The following RIBC2 variants were observed in gnomAD, a reference collection of about 807,000 sequenced individuals.
RIBC2 encodes the protein RIB43A domain with coiled-coils 2, also known as RIB43A-like with coiled-coils protein 2.
RIBC2 carries 40 observed loss-of-function variants against 44.3 expected under a neutral mutation model. The observed-to-expected ratio is 0.90, with a 90% CI of 0.70 to 1.18. RIBC2 has a LOEUF of 1.18. RIBC2 is among the 50% of genes most tolerant of loss of function. RIBC2 has a pLI of 0.00. For missense variants in RIBC2, 459 were observed against 485.5 expected (o/e 0.95, Z 0.51); for synonymous variants, 171 against 175.0 (o/e 0.98, Z 0.18).
At chr22:45,428,487 C>G (rs2087552278) in intron 5 of RIBC2, among the ~76,000 whole-genome samples, 1 of 152,098 alleles carries the variant, frequency 6.6e-6, no homozygotes, top group Admixed American at 6.6e-5. Context: ...TGTCCCTGGG[C>G]TGCAGGAGAG....
chr22:45,430,952 T>C lies in RIBC2; in HGVS notation c.956T>C (p.Ile319Thr). The change falls in exon 6 of 7, where the codon ATT (isoleucine) becomes ACT (threonine). Residue 319 changes from isoleucine to threonine, a missense_variant. Physicochemically the swap from Ile to Thr is moderately conservative, Grantham distance 89 (BLOSUM62 -1). Coordinates refer to ENST00000614167, the MANE Select transcript of RIBC2 (RefSeq NM_015653.5). ...QRDLDWDRRRIQGARATLLFE... is the reference protein window; with the variant it reads ...QRDLDWDRRRTQGARATLLFE... ...GACCTGGACTGGGACCGGCGGAGGATTCAGGGGGCTCGCGCCACCCTGCTG... is the reference window on the plus strand; with the variant it reads ...GACCTGGACTGGGACCGGCGGAGGACTCAGGGGGCTCGCGCCACCCTGCTG... The C allele has an allele frequency of 2.5e-6, 4 of 1,610,410 alleles. No individual in the cohort carries two copies. Among genetic ancestry groups the C allele is most frequent in the Non-Finnish European group, 3.4e-6 (4 of 1,178,428 alleles).
At chr22:45,418,950 A>G (rs1448135775) in intron 3 of RIBC2, among the ~76,000 whole-genome samples, 1 of 152,142 alleles carries the variant, frequency 6.6e-6, no homozygotes, top group African/African-American at 2.4e-5. Flanking sequence ...ATCTGGACCT[A>G]ACAGTCGATC....
At chr22:45,430,768 G>A in intron 5 of RIBC2, 132 bp from the exon 6 acceptor site, 2 of 1,169,088 alleles carry the variant, frequency 1.7e-6, no homozygotes, top group Middle Eastern at 3.0e-4. Context: ...CATGACATCG[G>A]TCACCTACCT....
intron 3 of RIBC2, 90 bp downstream of exon 3, chr22:45,418,036 T>G (rs2087443615): frequency 1.1e-5 from 5 of 467,340 alleles, no homozygotes; most frequent in Non-Finnish European, 9.8e-6. Context: ...AACCCTACAG[T>G]TTTTTTTTTT....
Position 45,414,422 on chromosome 22 carries a change from C to A in RIBC2, c.211+19C>A. ...ACCTTTGGTGAGCATTTCCTGAATG[C>A]TTATCTATTGGTTTAGGATTGTGTG... On this transcript the variant is annotated intron_variant, in intron 2 of 6. Transcript: ENST00000614167. 1 of 1,515,716 alleles carries A rather than the reference C, an allele frequency of 6.6e-7. No homozygotes were observed. The highest frequency in any genetic ancestry group is 9.0e-7 in the Non-Finnish European group (1 of 1,116,166). 93.9% of individuals were successfully genotyped at this position (1,515,716 alleles called of 1,614,324 possible).
At position 45,413,901 on chromosome 22, in the gene RIBC2, C is replaced by T; in HGVS notation, c.15C>T (p.Thr5=). The part of the protein sequence containing the change: MGSQ[T]MAVALPRDLR... ...TTAGGCTTTCCATGGGTTCCCAGAC[C>T]ATGGCGGTGGCGCTGCCCAGGGACT... Residue 5 remains threonine, a synonymous_variant, in exon 1 of 7, where the codon ACC becomes ACT. Coordinates refer to ENST00000614167, the MANE Select transcript of RIBC2 (RefSeq NM_015653.5). The T allele has an allele frequency of 1.3e-6, 2 of 1,551,398 alleles. No individual in the cohort carries two copies. Among genetic ancestry groups the T allele is most frequent in the Non-Finnish European group, 1.7e-6 (2 of 1,146,788 alleles).
At chr22:45,425,797 A>T in intron 4 of RIBC2, 151 bp from the exon 5 acceptor site, 1 of 677,028 alleles carries the variant, frequency 1.5e-6, no homozygotes, top group South Asian at 1.8e-5. Flanking sequence ...ACCCACCCAC[A>T]TCCGTGCCTG....
At chr22:45,428,347 G>C (rs1383233689) in intron 5 of RIBC2, among the ~76,000 whole-genome samples, 1 of 152,240 alleles carries the variant, frequency 6.6e-6, no homozygotes, top group Non-Finnish European at 1.5e-5. Flanking sequence ...GTAGGAGCTG[G>C]TGGGGGCCAT....
intron 2 of RIBC2, among the ~76,000 whole-genome samples, chr22:45,415,795 G>C (rs1025100729): frequency 6.6e-6 from 1 of 152,168 alleles, no homozygotes; most frequent in Non-Finnish European, 1.5e-5. Flanking sequence ...CGCCTCCTGG[G>C]TTCAAGCAAT....
intron 2 of RIBC2, among the ~76,000 whole-genome samples, chr22:45,416,264 ATT>A (rs889174518): frequency 6.8e-6 from 1 of 146,846 alleles, no homozygotes; most frequent in African/African-American, 2.5e-5. Context: ...GCTGGTTTAG[ATT>A]TTTTTTTTTC....
At position 45,432,392 on chromosome 22, in the gene RIBC2, A is replaced by C. The variant is rs1470213055; in HGVS notation, c.*30A>C. The stretch of plus-strand genomic sequence containing the variant: ...GAACACACCCTTGTTCCCGTCATTC[A>C]CGTATAAAGAGTGGCTACCTTAAAG... On this transcript the variant is annotated 3_prime_UTR_variant, in exon 7 of 7. Transcript: ENST00000614167. The C allele has an allele frequency of 7.0e-7, 1 of 1,435,552 alleles. No homozygotes were observed. Among genetic ancestry groups the C allele is most frequent in the Non-Finnish European group, 9.7e-7 (1 of 1,031,516 alleles). The allele number at this position is 1,435,552 out of a possible 1,614,324, so 88.9% of individuals were successfully genotyped here. A position where few individuals can be genotyped will look rare whatever the true frequency, so the allele number is the denominator to read the frequency against.
Position 45,426,025 on chromosome 22 carries a change from C to CT in RIBC2, c.753_754insT (p.Leu252SerfsTer25), listed in dbSNP as rs2087530445. 8 of 1,614,012 alleles carry CT rather than the reference C, an allele frequency of 5.0e-6. No homozygotes were observed. Among genetic ancestry groups the CT allele is most frequent in the Non-Finnish European group, 6.8e-6 (8 of 1,180,046 alleles). ...ACAACTTGGCCGAGATCACCAACCT[C>CT]CTGCGTGGGGACCTGCTCTCCGAGA... On this transcript the variant is annotated frameshift_variant, in exon 5 of 7. Transcript: ENST00000614167. LOFTEE classifies it high-confidence loss of function.
Position 45,426,052 on chromosome 22 carries a change from C to A in RIBC2, c.780C>A (p.Asn260Lys), listed in dbSNP as rs1349495315. The change falls in exon 5 of 7, where the codon AAC becomes AAA. Residue 260 changes from asparagine (N) to lysine (K), a missense_variant. Coordinates refer to ENST00000614167, the MANE Select transcript of RIBC2 (RefSeq NM_015653.5). ...TGCGTGGGGACCTGCTCTCCGAGAA[C>A]CCGCAGCAGGCAGCCAGCTCCTTCG... ...NLLRGDLLSE[N>K]PQQAASSFGP... 11 of 1,614,104 alleles carry A rather than the reference C, an allele frequency of 6.8e-6. No individual in the cohort carries two copies. In the East Asian group the frequency reaches 2.5e-4, roughly 36 times the overall value.
chr22:45,415,242 A>G (rs1317225695), intron 2 of RIBC2, among the ~76,000 whole-genome samples: 2 of 151,858 alleles, frequency 1.3e-5, no homozygotes, highest in Non-Finnish European at 2.9e-5. Flanking sequence ...TAAACACCAT[A>G]AAGATTTTTA....
intron 3 of RIBC2, among the ~76,000 whole-genome samples, chr22:45,419,749 G>A (rs1446036956): frequency 2.6e-5 from 4 of 151,342 alleles, no homozygotes; most frequent in African/African-American, 7.3e-5. Context: ...AAAAAAGACC[G>A]GGCACAGTGG....
At chr22:45,419,446 T>A (rs1322016168) in intron 3 of RIBC2, among the ~76,000 whole-genome samples, 1 of 152,106 alleles carries the variant, frequency 6.6e-6, no homozygotes, top group Non-Finnish European at 1.5e-5. Context: ...GCTATCAGCA[T>A]CTCTCGGCTG....
intron 5 of RIBC2, among the ~76,000 whole-genome samples, chr22:45,427,663 C>T (rs2087545672): frequency 6.6e-6 from 1 of 152,224 alleles, no homozygotes; most frequent in Admixed American, 6.5e-5. Flanking sequence ...TTGAGACAGT[C>T]TCACTCTATC....
In RIBC2 at chr22:45,425,944, T is replaced by A. The variant is rs2087529193; in HGVS notation, c.676-4T>A. The A allele has an allele frequency of 3.1e-6, 5 of 1,612,194 alleles. No individual in the cohort carries two copies. The highest frequency in any genetic ancestry group is 4.2e-6 in the Non-Finnish European group (5 of 1,178,994). On this transcript the variant is annotated splice_region_variant and splice_polypyrimidine_tract_variant and intron_variant, in intron 4 of 6. Transcript: ENST00000614167. ...CATCTTCTTTAATGTCTTCACCTGCTTAGGCCATCGAGTCAGTGGAAAGGA... is the reference window on the plus strand; with the variant it reads ...CATCTTCTTTAATGTCTTCACCTGCATAGGCCATCGAGTCAGTGGAAAGGA...
chr22:45,417,532 A>T, intron 2 of RIBC2, 70 bp from the exon 3 acceptor site: 1 of 1,264,710 alleles, frequency 7.9e-7, no homozygotes, highest in Non-Finnish European at 1.1e-6. Context: ...AAATAATAAA[A>T]AATAAAATGG....
Sources: allele counts gnomAD v4.1 joint callset (sites outside exome capture counted in the v4.1 genomes callset), GRCh38; gene constraint gnomAD v4.1.1; transcripts MANE v1.5; gene names NCBI Gene and HGNC (gene_info 2026-07-23, HGNC 2026-07-21).